The following SBF2 variants were observed in gnomAD, a reference collection of about 807,000 sequenced individuals.
SBF2 encodes the protein myotubularin-related protein 13.
SBF2 carries 112 observed loss-of-function variants against 225.2 expected under a neutral mutation model. That is an observed-to-expected ratio of 0.50 (90% confidence interval 0.43 to 0.58). SBF2 has a LOEUF of 0.58. Ranked by LOEUF, SBF2 falls within the 20% of genes least tolerant of loss-of-function variation. SBF2 has a pLI of 0.00. For synonymous variants in SBF2, 763 were observed against 773.3 expected (o/e 0.99, Z 0.22); for missense variants, 1,996 against 2,206.2 (o/e 0.90, Z 1.91).
At chr11:9,785,874 GT>G (rs78852702) in intron 36 of SBF2, among the ~76,000 whole-genome samples, 123,310 of 150,556 alleles carry the variant, frequency 0.82, 51,328 homozygotes, top group Non-Finnish European at 0.89. Flanking sequence ...GATGTTGATG[GT>G]TTTTTTTTTG....
At chr11:10,273,221 C>T (rs1212857206) in intron 1 of SBF2, among the ~76,000 whole-genome samples, 1 of 152,116 alleles carries the variant, frequency 6.6e-6, no homozygotes, top group Non-Finnish European at 1.5e-5. Context: ...AGAACAGACC[C>T]ATTGTACAAA....
intron 24 of SBF2, among the ~76,000 whole-genome samples, chr11:9,845,113 A>G (rs1856447103): frequency 6.6e-6 from 1 of 152,182 alleles, no homozygotes; most frequent in Admixed American, 6.5e-5. Flanking sequence ...GGTAAAATAT[A>G]TACAGAAATT....
At chr11:10,132,365 T>G (rs140084962) in intron 2 of SBF2, among the ~76,000 whole-genome samples, 1 of 152,304 alleles carries the variant, frequency 6.6e-6, no homozygotes, top group Non-Finnish European at 1.5e-5. Flanking sequence ...ACTTCAAGAA[T>G]GAAGCCGTGG....
intron 1 of SBF2, among the ~76,000 whole-genome samples, chr11:10,209,797 T>A (rs927347486): frequency 6.6e-6 from 1 of 152,044 alleles, no homozygotes; most frequent in Non-Finnish European, 1.5e-5. Context: ...ACCTAAAACA[T>A]TAATAGCTTA....
At chr11:10,058,612 CTTCCCCAACCT>C (rs1950332446) in intron 2 of SBF2, among the ~76,000 whole-genome samples, 1 of 152,186 alleles carries the variant, frequency 6.6e-6, no homozygotes, top group Admixed American at 6.5e-5. Context: ...TCCATGAAAA[CTTCCCCAACCT>C]TGTTAGAGAG....
At chr11:9,784,868 C>T (rs1852268648) in intron 37 of SBF2, 9 of 544,186 alleles carry the variant, frequency 1.7e-5, no homozygotes, top group Non-Finnish European at 3.0e-5. Context: ...TTCCCTCAAA[C>T]GTTCTGGCAG....
chr11:10,136,350 T>C (rs915822166), intron 2 of SBF2, among the ~76,000 whole-genome samples: 1 of 152,064 alleles, frequency 6.6e-6, no homozygotes, highest in African/African-American at 2.4e-5. Context: ...AAACTCTTGG[T>C]GGGCTCCTGA....
upstream of SBF2, among the ~76,000 whole-genome samples, chr11:10,294,378 G>A (rs1046051328): frequency 7.2e-5 from 11 of 152,162 alleles, no homozygotes; most frequent in Non-Finnish European, 1.5e-4. Flanking sequence ...GCCACGCGCC[G>A]CCACCGCGGC....
chr11:10,295,333 G>T (rs991139322), upstream of SBF2, among the ~76,000 whole-genome samples: 3 of 152,256 alleles, frequency 2.0e-5, no homozygotes, highest in East Asian at 5.8e-4. Context: ...GCAGGAAGCC[G>T]CAATGGCTCC....
At chr11:10,130,491 T>G (rs987047507) in intron 2 of SBF2, among the ~76,000 whole-genome samples, 4 of 152,202 alleles carry the variant, frequency 2.6e-5, no homozygotes, top group African/African-American at 9.6e-5. Flanking sequence ...AGGTCCCCTG[T>G]ACTCTTTACT....
intron 2 of SBF2, among the ~76,000 whole-genome samples, chr11:10,152,480 C>A (rs977293465): frequency 6.6e-6 from 1 of 151,238 alleles, no homozygotes; most frequent in Non-Finnish European, 1.5e-5. Flanking sequence ...ACCTGGGGGG[C>A]GGAGGTTGCA....
intron 18 of SBF2, among the ~76,000 whole-genome samples, chr11:9,857,873 G>A (rs911072634): frequency 4.6e-5 from 7 of 151,898 alleles, no homozygotes; most frequent in African/African-American, 1.7e-4. Flanking sequence ...ATTTATTTTG[G>A]AGTTAATTAA....
intron 2 of SBF2, among the ~76,000 whole-genome samples, chr11:10,085,752 G>C (rs2134887868): frequency 6.6e-6 from 1 of 152,172 alleles, no homozygotes; most frequent in South Asian, 2.1e-4. Context: ...GTTTTGAGTG[G>C]AAGATGTTTT....
At chr11:9,832,118 G>A in intron 27 of SBF2, 106 bp downstream of exon 27, 2 of 970,646 alleles carry the variant, frequency 2.1e-6, no homozygotes, top group East Asian at 5.0e-5. Flanking sequence ...GTTTGTGTGT[G>A]AGACAAGACT....
At chr11:9,914,842 A>G (rs1053872074) in intron 16 of SBF2, among the ~76,000 whole-genome samples, 1 of 144,060 alleles carries the variant, frequency 6.9e-6, no homozygotes, top group Non-Finnish European at 1.5e-5. Flanking sequence ...TTGGGTCACA[A>G]TGATGTGTTA....
chr11:10,008,255 C>T (rs373979820), intron 6 of SBF2, among the ~76,000 whole-genome samples: 124 of 152,234 alleles, frequency 8.1e-4, no homozygotes, highest in African/African-American at 2.8e-3. Flanking sequence ...TCTTGAAAAC[C>T]CCATCACTTT....
chr11:10,071,051 A>T (rs1332352587), intron 2 of SBF2, among the ~76,000 whole-genome samples: 1 of 152,108 alleles, frequency 6.6e-6, no homozygotes, highest in Non-Finnish European at 1.5e-5. Flanking sequence ...CAGCTTAAGG[A>T]GGTTTTGGGC....
intron 16 of SBF2, among the ~76,000 whole-genome samples, chr11:9,952,341 G>C (rs542288641): frequency 6.6e-6 from 1 of 152,302 alleles, no homozygotes; most frequent in East Asian, 1.9e-4. Context: ...AATTAAGAAA[G>C]GAACTGGGAG....
At chr11:10,022,546 A>C (rs1948899753) in intron 6 of SBF2, among the ~76,000 whole-genome samples, 1 of 152,108 alleles carries the variant, frequency 6.6e-6, no homozygotes, top group African/African-American at 2.4e-5. Context: ...CACATCAAGA[A>C]AGAGAACTTT....
Sources: gnomAD v4.1 joint callset for allele counts (sites outside exome capture counted in the v4.1 genomes callset) on GRCh38, gnomAD v4.1.1 for gene constraint, MANE v1.5 for transcripts, NCBI Gene and HGNC (gene_info 2026-07-23, HGNC 2026-07-21) for gene names.